Variants in DMC1 observed in about 807,000 individuals in gnomAD.
The protein encoded by DMC1 is meiotic recombination protein DMC1 homolog.
In DMC1, 27 loss-of-function variants were observed where a neutral mutation model predicts 50.1. The ratio of observed to expected loss-of-function variants is 0.54; its 90% CI spans 0.40 to 0.74. The LOEUF (loss-of-function observed/expected upper bound fraction) is 0.74, where lower values mean the gene tolerates loss of function less well. Among genes scored for constraint, DMC1 ranks in the 30% least tolerant of loss-of-function variants. The pLI, the probability that DMC1 is intolerant of heterozygous loss-of-function variation, is 0.00. For synonymous variants in DMC1, 148 were observed against 136.1 expected, an observed-to-expected ratio of 1.09 and a Z score of -0.61; for missense variants, 295 against 420.2, an observed-to-expected ratio of 0.70 and a Z score of 2.60.
chr22:38,568,725 C>G (rs556783379), intron 1 of DMC1, among the ~76,000 whole-genome samples: 40 of 152,192 alleles, frequency 2.6e-4, no homozygotes, highest in Non-Finnish European at 7.4e-5. Context: ...TCCTCCCTGA[C>G]ACCTCCAACT....
At chr22:38,512,066 C>A in the DMC1 span, among the ~76,000 whole-genome samples, 9 of 152,084 alleles carry the variant, frequency 5.9e-5, no homozygotes, top group African/African-American at 1.7e-4. Flanking sequence ...CCTCTGCCTC[C>A]CGGGTTCAAG....
chr22:38,509,659 T>G, the DMC1 span, among the ~76,000 whole-genome samples: 1 of 151,890 alleles, frequency 6.6e-6, no homozygotes, highest in Admixed American at 6.6e-5. Context: ...GAGGCCTATG[T>G]AGCTTTTTTT....
At chr22:38,553,879 C>T (rs1436200871) in intron 6 of DMC1, among the ~76,000 whole-genome samples, 1 of 147,874 alleles carries the variant, frequency 6.8e-6, no homozygotes, top group Non-Finnish European at 1.5e-5. Flanking sequence ...TTGCTTGAAC[C>T]TGGGAGGCAG....
At chr22:38,564,385 C>T (rs578234506) in intron 4 of DMC1, among the ~76,000 whole-genome samples, 2 of 152,270 alleles carry the variant, frequency 1.3e-5, no homozygotes, top group African/African-American at 4.8e-5. Context: ...TCTTGCCTCA[C>T]TGCAACCTCT....
chr22:38,512,235 T>C, the DMC1 span, among the ~76,000 whole-genome samples: 1 of 152,060 alleles, frequency 6.6e-6, no homozygotes, highest in Non-Finnish European at 1.5e-5. Flanking sequence ...TCAACCTCCC[T>C]AAGTGCTGGG....
intron 5 of DMC1, among the ~76,000 whole-genome samples, chr22:38,559,695 G>A (rs938212662): frequency 1.3e-5 from 2 of 151,966 alleles, no homozygotes; most frequent in Non-Finnish European, 2.9e-5. Context: ...TTTCTCTCAC[G>A]AAGTTTACAA....
chr22:38,526,666 TTAA>T (rs564682211), intron 12 of DMC1, among the ~76,000 whole-genome samples: 3 of 151,052 alleles, frequency 2.0e-5, no homozygotes, highest in Non-Finnish European at 4.4e-5. Flanking sequence ...TACATGGGTA[TTAA>T]TAATAATAAT....
chr22:38,523,248 G>A (rs1404610591), intron 12 of DMC1, among the ~76,000 whole-genome samples: 1 of 152,188 alleles, frequency 6.6e-6, no homozygotes, highest in African/African-American at 2.4e-5. Context: ...CCAGGCACCT[G>A]ACATGGTAGT....
intron 5 of DMC1, among the ~76,000 whole-genome samples, chr22:38,558,112 C>T (rs141096943): frequency 1.1e-3 from 172 of 151,496 alleles, no homozygotes; most frequent in African/African-American, 3.7e-3. Flanking sequence ...CAGGCACCCG[C>T]CACCATGCCC....
chr22:38,531,355 C>T (rs950406139), intron 12 of DMC1, among the ~76,000 whole-genome samples: 1 of 151,866 alleles, frequency 6.6e-6, no homozygotes, highest in African/African-American at 2.4e-5. Context: ...GGCAGCTCCT[C>T]GCTTCTATAA....
At chr22:38,553,113 G>A (rs1228406406) in intron 6 of DMC1, among the ~76,000 whole-genome samples, 1 of 151,706 alleles carries the variant, frequency 6.6e-6, no homozygotes, top group Non-Finnish European at 1.5e-5. Flanking sequence ...CTCCCAAAGT[G>A]CTGGGATTAC....
intron 8 of DMC1, among the ~76,000 whole-genome samples, chr22:38,547,698 C>T (rs927246616): frequency 1.3e-5 from 2 of 152,132 alleles, no homozygotes; most frequent in African/African-American, 2.4e-5. Context: ...TGCCGCCACG[C>T]CCGGCTAATT....
chr22:38,531,411 G>A (rs2090150374), intron 12 of DMC1, among the ~76,000 whole-genome samples: 1 of 151,990 alleles, frequency 6.6e-6, no homozygotes, highest in South Asian at 2.1e-4. Flanking sequence ...TAATGCATGG[G>A]ATATAAGCCC....
the DMC1 span, among the ~76,000 whole-genome samples, chr22:38,512,667 C>T: frequency 5.3e-5 from 8 of 152,202 alleles, no homozygotes; most frequent in Admixed American, 5.2e-4. Context: ...CCCCTCCTGG[C>T]TTCCCTTTCT....
rs755909856 is a variant in DMC1 at position 38,539,306 on chromosome 22, G to A, written c.586+15C>T. 20 of 1,596,666 alleles carry A rather than the reference G, an allele frequency of 1.3e-5. No individual in the cohort carries two copies. The Middle Eastern group carries it at 9.9e-4, about 79-fold the overall frequency. The stretch of plus-strand genomic sequence containing the variant: ...CTTACATTGACCCAAGCATCCAACT[G>A]CATGGGGCTCTTACTAGTATATGCA... On this transcript the variant is annotated intron_variant, in intron 9 of 13. Coordinates refer to ENST00000216024, the MANE Select transcript of DMC1 (RefSeq NM_007068.4).
intron 8 of DMC1, among the ~76,000 whole-genome samples, chr22:38,547,989 C>T (rs2090362848): frequency 6.6e-6 from 1 of 152,132 alleles, no homozygotes; most frequent in Non-Finnish European, 1.5e-5. Flanking sequence ...CCTCAAAATC[C>T]GTGTGTGTGT....
rs893662528 is a variant in DMC1, at chr22:38,540,468, AT to A, written c.495-1057del. On this transcript the variant is annotated intron_variant, in intron 8 of 13. Transcript: ENST00000216024. ...TATAAACTATAAAGGAGTAATAAAC[AT>A]TTTTTTTAGGTCTTTGGTGATCCCA... 1.1e-4 allele frequency among the ~76,000 whole-genome samples: 16 copies of A among 152,022 alleles called. 1 individual carries two copies. The highest frequency in any genetic ancestry group is 5.9e-4 in the Admixed American group (9 of 15,252).
chr22:38,535,057 T>G (rs1157195618), intron 12 of DMC1, among the ~76,000 whole-genome samples: 4 of 151,792 alleles, frequency 2.6e-5, no homozygotes, highest in African/African-American at 7.2e-5. Context: ...CCCAGCACTT[T>G]GGGAGGCCGG....
In DMC1 at chr22:38,534,097, T is replaced by TTTA. The variant is rs1202526583; in HGVS notation, c.836+3494_836+3495insTAA. On this transcript the variant is annotated intron_variant, in intron 12 of 13. Transcript: ENST00000216024. ...AAGAGCTGTTCTGATTAAAGGAGAC[T>TTTA]AAAGAGACATGACAATTACACGCAG... Among the ~76,000 whole-genome samples, 4 of 152,170 alleles carry TTTA rather than the reference T, an allele frequency of 2.6e-5. No individual in the cohort carries two copies. The East Asian group carries it at 7.7e-4, about 29-fold the overall frequency.
Sources: gnomAD v4.1 joint callset for allele counts (sites outside exome capture counted in the v4.1 genomes callset) on GRCh38, gnomAD v4.1.1 for gene constraint, MANE v1.5 for transcripts, NCBI Gene and HGNC (gene_info 2026-07-23, HGNC 2026-07-21) for gene names.